Variants in HDGFL3 observed in about 807,000 individuals in gnomAD.
HDGFL3 encodes the protein HDGF like 3.
Under a neutral mutation model 27.6 loss-of-function variants are expected in HDGFL3, and 6 were observed. The observed-to-expected ratio is 0.22, with a 90% CI of 0.12 to 0.43. The LOEUF (loss-of-function observed/expected upper bound fraction) is 0.43, where lower values mean the gene tolerates loss of function less well. HDGFL3 is among the 20% of genes least tolerant of loss of function. The pLI, the probability that HDGFL3 is intolerant of heterozygous loss-of-function variation, is 1.00. For missense variants in HDGFL3, 207 were observed against 250.1 expected (o/e 0.83, Z 1.16); for synonymous variants, 88 against 88.9 (o/e 0.99, Z 0.05).
chr15:83,178,889 G>A (rs181325921), intron 1 of HDGFL3, among the ~76,000 whole-genome samples: 34 of 152,218 alleles, frequency 2.2e-4, no homozygotes, highest in Non-Finnish European at 4.1e-4. Context: ...AATGGATCAG[G>A]CTTCTACTGT....
intron 1 of HDGFL3, among the ~76,000 whole-genome samples, chr15:83,199,351 C>G (rs2151422469): frequency 6.6e-6 from 1 of 152,294 alleles, no homozygotes; most frequent in South Asian, 2.1e-4. Context: ...AAATAGAGAT[C>G]TGAAGTTGAG....
At chr15:83,198,052 C>T (rs1420779799) in intron 1 of HDGFL3, among the ~76,000 whole-genome samples, 2 of 11,374 alleles carry the variant, frequency 1.8e-4, no homozygotes, top group Non-Finnish European at 2.5e-4. Context: ...GAGACTCCGT[C>T]TCAAAAAAAA....
chr15:83,181,590 C>T (rs900382706), intron 1 of HDGFL3, among the ~76,000 whole-genome samples: 1 of 152,196 alleles, frequency 6.6e-6, no homozygotes, highest in Non-Finnish European at 1.5e-5. Flanking sequence ...GTTCTCCTGC[C>T]TCAGCCTTCC....
At chr15:83,187,207 AGTGGAGG>A (rs1286413976) in intron 1 of HDGFL3, among the ~76,000 whole-genome samples, 3 of 151,436 alleles carry the variant, frequency 2.0e-5, no homozygotes, top group Non-Finnish European at 4.4e-5. Flanking sequence ...TAATTGAGTA[AGTGGAGG>A]CTTACCGCTA....
In HDGFL3 at chr15:83,136,288, A is replaced by G; in HGVS notation, c.*2982T>C. The G allele has an allele frequency of 2.3e-6, 1 of 444,346 alleles. No individual in the cohort carries two copies. Among genetic ancestry groups the G allele is most frequent in the East Asian group, 3.3e-5 (1 of 30,564 alleles). 27.5% of individuals were successfully genotyped at this position (444,346 alleles called of 1,614,324 possible). On this transcript the variant is annotated 3_prime_UTR_variant, in exon 6 of 6. Coordinates refer to ENST00000299633, the MANE Select transcript of HDGFL3 (RefSeq NM_016073.4). ...ACAGTCATATCAAGAATGGCCCTAA[A>G]TTTAATCAAGGACTAAATTTAATGA... is the stretch of plus-strand genomic sequence containing the variant.
intron 1 of HDGFL3, among the ~76,000 whole-genome samples, chr15:83,199,809 G>A (rs1194499978): frequency 6.6e-6 from 1 of 151,816 alleles, no homozygotes; most frequent in African/African-American, 2.4e-5. Context: ...TTGGGAGGCC[G>A]AGGCGGGTGG....
chr15:83,183,916 C>G (rs538125142), intron 1 of HDGFL3, among the ~76,000 whole-genome samples: 1 of 152,218 alleles, frequency 6.6e-6, no homozygotes, highest in Non-Finnish European at 1.5e-5. Context: ...TTAGCTGGCC[C>G]TCCTCCAGCA....
intron 1 of HDGFL3, among the ~76,000 whole-genome samples, chr15:83,178,635 G>A (rs778055337): frequency 6.6e-6 from 1 of 151,950 alleles, no homozygotes; most frequent in Non-Finnish European, 1.5e-5. Flanking sequence ...CAGCCTGGGT[G>A]ACAGAGTGAG....
At chr15:83,188,293 G>A (rs1277088550) in intron 1 of HDGFL3, among the ~76,000 whole-genome samples, 4 of 151,960 alleles carry the variant, frequency 2.6e-5, no homozygotes, top group African/African-American at 7.2e-5. Context: ...TCACTCTGTC[G>A]CCCAGGCTGG....
Position 83,207,258 on chromosome 15 carries a change from A to C in HDGFL3, c.84+73T>G. On this transcript the variant is annotated intron_variant, in intron 1 of 5. Transcript: ENST00000299633. This position sits in a 1 kb window ranked among gnomAD's most constrained non-coding sequence, Gnocchi z 4.8. ...CGGGCTCGGGGCTGAGGCGATGGGG[A>C]AAGGGGGCGGGCGCGCCATCATGAA... The C allele has an allele frequency of 9.4e-7, 1 of 1,067,060 alleles. No individual in the cohort carries two copies. The highest frequency in any genetic ancestry group is 1.2e-6 in the Non-Finnish European group (1 of 811,876). The allele number at this position is 1,067,060 out of a possible 1,614,324, so 66.1% of individuals were successfully genotyped here. A position where few individuals can be genotyped will look rare whatever the true frequency, so the allele number is the denominator to read the frequency against.
At chr15:83,163,256 T>C (rs1204587916) in intron 2 of HDGFL3, among the ~76,000 whole-genome samples, 1 of 152,244 alleles carries the variant, frequency 6.6e-6, no homozygotes, top group Non-Finnish European at 1.5e-5. Flanking sequence ...ATCTACTGTA[T>C]GTAACTTCCT....
chr15:83,164,367 CAAAAAAAAAAAAAA>C lies in HDGFL3; in HGVS notation c.85-306_85-293del, dbSNP rs869303457. On this transcript the variant is annotated intron_variant, in intron 1 of 5. Transcript: ENST00000299633. ...TGTCCTAGTGAAAAATTAGAGTAAC[CAAAAAAAAAAAAAA>C]AAAAAAAAAAAAAGAATACAAAAAG... Among the ~76,000 whole-genome samples the C allele has an allele frequency of 2.3e-4, 9 of 38,380 alleles. 1 individual carries two copies. Among genetic ancestry groups the C allele is most frequent in the African/African-American group, 3.0e-4 (3 of 10,082 alleles). 25.2% of individuals were successfully genotyped at this position (38,380 alleles called of 152,430 possible). A position where few individuals can be genotyped will look rare whatever the true frequency, so the allele number is the denominator to read the frequency against.
Position 83,136,282 on chromosome 15 carries a change from C to T in HDGFL3, c.*2988G>A, listed in dbSNP as rs1326789406. Reference sequence around the variant, plus strand: ...ATTTGAACAGTCATATCAAGAATGGCCCTAAATTTAATCAAGGACTAAATT... The same window carrying T: ...ATTTGAACAGTCATATCAAGAATGGTCCTAAATTTAATCAAGGACTAAATT... On this transcript the variant is annotated 3_prime_UTR_variant, in exon 6 of 6. Coordinates refer to ENST00000299633, the MANE Select transcript of HDGFL3 (RefSeq NM_016073.4). 2.3e-6 allele frequency: 1 copy of T among 436,476 alleles called. No homozygotes were observed. Among genetic ancestry groups the T allele is most frequent in the Admixed American group, 3.9e-5 (1 of 25,696 alleles). 27.0% of individuals were successfully genotyped at this position (436,476 alleles called of 1,614,324 possible). A position where few individuals can be genotyped will look rare whatever the true frequency, so the allele number is the denominator to read the frequency against.
chr15:83,206,129 A>G (rs1177572983), intron 1 of HDGFL3, among the ~76,000 whole-genome samples: 1 of 152,192 alleles, frequency 6.6e-6, no homozygotes, highest in African/African-American at 2.4e-5. Flanking sequence ...GCCAAACCAA[A>G]TATTTAAAAA....
rs532011448 is a variant in HDGFL3 at position 83,191,203 on chromosome 15, A to T, written c.84+16128T>A. 1.2e-3 allele frequency among the ~76,000 whole-genome samples: 181 copies of T among 152,280 alleles called. 3 individuals are homozygous for T. The East Asian group carries it at 0.032, about 27-fold the overall frequency. On this transcript the variant is annotated intron_variant, in intron 1 of 5. Transcript: ENST00000299633. ...ATTCTGTGTGTTGATAACTGATAGGACAAGTCTCACCACCTTATTCTCCTT... is the reference window on the plus strand; with the variant it reads ...ATTCTGTGTGTTGATAACTGATAGGTCAAGTCTCACCACCTTATTCTCCTT...
At chr15:83,150,794 G>T (rs563650187) in intron 5 of HDGFL3, among the ~76,000 whole-genome samples, 33 of 152,214 alleles carry the variant, frequency 2.2e-4, no homozygotes, top group Non-Finnish European at 3.7e-4. Flanking sequence ...CATATTTAAA[G>T]TCCTCATGGG....
At chr15:83,161,558 C>T (rs1250141574) in intron 2 of HDGFL3, among the ~76,000 whole-genome samples, 1 of 151,902 alleles carries the variant, frequency 6.6e-6, no homozygotes, top group African/African-American at 2.4e-5. Flanking sequence ...TTATCTTGTC[C>T]CACTTTTGGA....
intron 3 of HDGFL3, among the ~76,000 whole-genome samples, chr15:83,117,601 T>C (rs1278647165): frequency 6.6e-6 from 1 of 151,714 alleles, no homozygotes; most frequent in Non-Finnish European, 1.5e-5. Context: ...ACGAGAGGGC[T>C]GGAGGCTGAG....
chr15:83,163,179 T>A (rs999919917), intron 2 of HDGFL3, among the ~76,000 whole-genome samples: 2 of 152,212 alleles, frequency 1.3e-5, no homozygotes, highest in Non-Finnish European at 2.9e-5. Context: ...AGAAGTTAGT[T>A]GACAGCCTGC....
Sources: gnomAD v4.1 joint callset for allele counts (sites outside exome capture counted in the v4.1 genomes callset) on GRCh38, gnomAD v4.1.1 for gene constraint, Gnocchi (gnomAD v3.1) non-coding constraint, MANE v1.5 for transcripts, NCBI Gene and HGNC (gene_info 2026-07-23, HGNC 2026-07-21) for gene names.